The following SLC13A4 variants were observed in gnomAD, a reference collection of about 807,000 sequenced individuals.
SLC13A4 encodes solute carrier family 13 member 4.
A neutral mutation model predicts 72.7 loss-of-function variants in SLC13A4; 28 were observed. The ratio of observed to expected loss-of-function variants is 0.39; its 90% CI spans 0.29 to 0.53. The LOEUF is 0.53. Among genes scored for constraint, SLC13A4 ranks in the 20% least tolerant of loss-of-function variants. The pLI, the probability that SLC13A4 is intolerant of heterozygous loss-of-function variation, is 0.78. For missense variants in SLC13A4, 653 were observed against 788.0 expected, an observed-to-expected ratio of 0.83 and a Z score of 2.05; for synonymous variants, 312 against 325.5, an observed-to-expected ratio of 0.96 and a Z score of 0.45.
rs1795788340 is a variant in SLC13A4 at position 135,691,587 on chromosome 7, TGAGGAA to T, written c.1276_1281del (p.Phe426_Leu427del). On this transcript the variant is annotated inframe_deletion, in exon 12 of 16. Transcript: ENST00000682651. ...CCAAAGCAGGGCTTCTTCGCTGGAATGAGGAAGAGGAGGAAGCCAAGGAAGACAGAG... is the reference window on the plus strand; with the variant it reads ...CCAAAGCAGGGCTTCTTCGCTGGAATGAGGAGGAAGCCAAGGAAGACAGAG... The T allele has an allele frequency of 6.2e-7, 1 of 1,613,796 alleles. No homozygotes were observed.
intron 7 of SLC13A4, among the ~76,000 whole-genome samples, chr7:135,700,534 C>T (rs1338979280): frequency 6.6e-6 from 1 of 152,154 alleles, no homozygotes; most frequent in Non-Finnish European, 1.5e-5. Flanking sequence ...CTAAAAGATC[C>T]ATTGATTAAC....
chr7:135,683,164 A>T (rs1449265482), intron 15 of SLC13A4, among the ~76,000 whole-genome samples: 1 of 151,584 alleles, frequency 6.6e-6, no homozygotes, highest in African/African-American at 2.4e-5. Context: ...CTGGGCATGG[A>T]GGCGCACACC....
At chr7:135,694,035 C>T (rs537204141) in intron 10 of SLC13A4, 102 bp downstream of exon 10, 7 of 742,728 alleles carry the variant, frequency 9.4e-6, no homozygotes, top group African/African-American at 7.0e-5. Flanking sequence ...GTGGAAAATT[C>T]TCCCAGTGTC....
At chr7:135,694,335 T>C (rs1795855858) in intron 9 of SLC13A4, 97 bp from the exon 10 acceptor site, 2 of 730,630 alleles carry the variant, frequency 2.7e-6, no homozygotes, top group Non-Finnish European at 4.7e-6. Flanking sequence ...CCTGCTGTGG[T>C]CACTTTTCTC....
At chr7:135,703,351 C>A in intron 5 of SLC13A4, 1 of 164,352 alleles carries the variant, frequency 6.1e-6, no homozygotes, top group South Asian at 1.6e-4. Flanking sequence ...TTCTCACTGG[C>A]TGACTCTCAT....
chr7:135,705,955 C>T (rs768434543), intron 4 of SLC13A4, 173 bp downstream of exon 4: 4 of 595,598 alleles, frequency 6.7e-6, no homozygotes, highest in Non-Finnish European at 1.1e-5. Context: ...CTTCAGAGTC[C>T]AAGAGCTGGG....
At chr7:135,717,750 G>A (rs989372592) in intron 2 of SLC13A4, among the ~76,000 whole-genome samples, 4 of 152,156 alleles carry the variant, frequency 2.6e-5, no homozygotes, top group Admixed American at 6.5e-5. Flanking sequence ...TTGCTTCTGG[G>A]TGTTTCTGGA....
In SLC13A4 at chr7:135,699,500, T is replaced by C. The variant is rs1029966063; in HGVS notation, c.763A>G (p.Arg255Gly). 2.4e-5 allele frequency: 38 copies of C among 1,611,648 alleles called. No individual in the cohort carries two copies. Among genetic ancestry groups the C allele is most frequent in the Middle Eastern group, 1.6e-4 (1 of 6,072 alleles). ...TGGTCATGGTGGGACCTGTACTTTC[T>C]GTTCAGCTTCTGCTTCCTGGGGCTG... ...TPSPRKQKLN[R>G]KYRSHHDQMI... Residue 255 changes from arginine (R) to glycine (G), a missense_variant, in exon 8 of 16, where the codon AGA becomes GGA. Physicochemically the swap from Arg to Gly is moderately radical, Grantham distance 125 (BLOSUM62 -2). Coordinates refer to ENST00000682651, the MANE Select transcript of SLC13A4 (RefSeq NM_001318192.2).
chr7:135,683,719 C>T, intron 15 of SLC13A4: 17 of 985,378 alleles, frequency 1.7e-5, no homozygotes, highest in Non-Finnish European at 2.0e-5. Context: ...TCTCAAAATA[C>T]CTTTCACCCT....
intron 9 of SLC13A4, among the ~76,000 whole-genome samples, chr7:135,695,062 G>A (rs1230500614): frequency 6.6e-6 from 1 of 152,216 alleles, no homozygotes; most frequent in African/African-American, 2.4e-5. Context: ...TGCTTTGAGA[G>A]CAATAAAACG....
Position 135,691,182 on chromosome 7 carries a change from A to G in SLC13A4, c.1446+19T>C. 6.3e-7 allele frequency: 1 copy of G among 1,578,922 alleles called. No homozygotes were observed. Among genetic ancestry groups the G allele is most frequent in the Non-Finnish European group, 8.6e-7 (1 of 1,168,334 alleles). ...GTCTCAAAAAAAAAAACCCCAAAAA[A>G]ACAGAATTCAAGAATTACCTTGCTA... On this transcript the variant is annotated intron_variant, in intron 13 of 15. Transcript: ENST00000682651.
chr7:135,722,883 G>A (rs55695367), intron 1 of SLC13A4, among the ~76,000 whole-genome samples: 1 of 152,102 alleles, frequency 6.6e-6, no homozygotes, highest in Non-Finnish European at 1.5e-5. Context: ...GCGATCCTGA[G>A]CATGGAACTC....
intron 11 of SLC13A4, 122 bp downstream of exon 11, chr7:135,692,201 G>T (rs887557955): frequency 3.9e-6 from 3 of 766,058 alleles, no homozygotes; most frequent in Admixed American, 2.4e-5. Flanking sequence ...TCCCTAAAAA[G>T]AGTGGATTTC....
chr7:135,696,397 G>C (rs1433621765), intron 8 of SLC13A4, among the ~76,000 whole-genome samples: 2 of 151,714 alleles, frequency 1.3e-5, no homozygotes, highest in Non-Finnish European at 2.9e-5. Context: ...CGCTTAGGCT[G>C]GAGTGCAGTG....
At position 135,683,342 on chromosome 7, in the gene SLC13A4, A is replaced by T; in HGVS notation, c.1746+782T>A. ...AAAAAAAAGGATAAAAAAGGACCTG[A>T]ATATCTGCCACCAGCCTGAAACTTT... On this transcript the variant is annotated intron_variant, in intron 15 of 15. Coordinates refer to ENST00000682651, the MANE Select transcript of SLC13A4 (RefSeq NM_001318192.2). 5 of 939,066 alleles carry T rather than the reference A, an allele frequency of 5.3e-6. No homozygotes were observed. In the South Asian group the frequency reaches 2.5e-4, roughly 47 times the overall value. 58.2% of individuals were successfully genotyped at this position (939,066 alleles called of 1,614,324 possible). A position where few individuals can be genotyped will look rare whatever the true frequency, so the allele number is the denominator to read the frequency against.
intron 5 of SLC13A4, chr7:135,703,101 G>T: frequency 1.7e-6 from 1 of 572,112 alleles, no homozygotes; most frequent in Non-Finnish European, 3.1e-6. Flanking sequence ...TGAGGGCAGG[G>T]GCAGCACTTT....
At chr7:135,719,780 CATGTGTGTGTGT>C (rs1450883176) in intron 2 of SLC13A4, among the ~76,000 whole-genome samples, 1 of 138,536 alleles carries the variant, frequency 7.2e-6, no homozygotes, top group Non-Finnish European at 1.6e-5. Flanking sequence ...CTCAATGCCA[CATGTGTGTGTGT>C]GTGTGTGTGT....
chr7:135,711,724 A>G (rs1796306710), intron 2 of SLC13A4, among the ~76,000 whole-genome samples: 1 of 152,106 alleles, frequency 6.6e-6, no homozygotes, highest in African/African-American at 2.4e-5. Flanking sequence ...CCCAGACAGC[A>G]TGAGCTGGCA....
chr7:135,718,856 G>T (rs1246622269), intron 2 of SLC13A4, among the ~76,000 whole-genome samples: 2 of 152,216 alleles, frequency 1.3e-5, no homozygotes, highest in Non-Finnish European at 2.9e-5. Context: ...TGGTGCATAG[G>T]TGGTTGTGGA....
Sources: gnomAD v4.1 joint callset for allele counts (sites outside exome capture counted in the v4.1 genomes callset) on GRCh38, gnomAD v4.1.1 for gene constraint, MANE v1.5 for transcripts, NCBI Gene and HGNC (gene_info 2026-07-23, HGNC 2026-07-21) for gene names.